INO80: variants seen among roughly 807,000 people sequenced by gnomAD.
The protein encoded by INO80 is INO80 complex ATPase subunit, also known as chromatin-remodeling ATPase INO80.
In INO80, 20 loss-of-function variants were observed where a neutral mutation model predicts 203.4. The ratio of observed to expected loss-of-function variants is 0.10; its 90% CI spans 0.07 to 0.14. The LOEUF is 0.14. INO80 is among the 10% of genes least tolerant of loss of function. The pLI, the probability that INO80 is intolerant of heterozygous loss-of-function variation, is 1.00. For missense variants in INO80, 1,419 were observed against 1,914.4 expected (o/e 0.74, Z 4.83); for synonymous variants, 726 against 685.2 (o/e 1.06, Z -0.93).
intron 16 of INO80, 66 bp downstream of exon 16, chr15:41,058,573 G>C (rs2045041453): frequency 2.5e-6 from 1 of 392,608 alleles, no homozygotes; most frequent in Admixed American, 4.0e-5. Context: ...GTGTGTGCGT[G>C]TGTGTGTGTG....
chr15:41,011,200 G>C (rs569937911), intron 27 of INO80, among the ~76,000 whole-genome samples: 14 of 152,190 alleles, frequency 9.2e-5, no homozygotes, highest in Admixed American at 7.2e-4. Context: ...CTCCCTGATG[G>C]TTGAAATTCT....
At chr15:41,057,904 A>T (rs2045023611) in intron 16 of INO80, among the ~76,000 whole-genome samples, 1 of 151,996 alleles carries the variant, frequency 6.6e-6, no homozygotes, top group South Asian at 2.1e-4. Context: ...TAAATTTCTA[A>T]CGACTCACCA....
Position 40,984,313 on chromosome 15 carries a change from C to T in INO80, c.3961G>A (p.Glu1321Lys). 1 of 1,614,184 alleles carries T rather than the reference C, an allele frequency of 6.2e-7. No individual in the cohort carries two copies. The highest frequency in any genetic ancestry group is 8.5e-7 in the Non-Finnish European group (1 of 1,180,008). The change falls in exon 33 of 36, where the codon GAG becomes AAG. Residue 1321 changes from glutamate to lysine, a missense_variant. Around this residue, in one of 9 missense-constraint regions of INO80, gnomAD observed 214 missense variants for 248.9 expected, o/e 0.86. Transcript: ENST00000648947. ...AATGGGATCACCAGGTTCACACCCT[C>T]TTTTCTCCTTTTCCCATCCAATTCA... The part of the protein sequence containing the change: ...EDELDGKRRK[E>K]GVNLVIPFVP...
At chr15:41,009,504 T>C (rs1203175567) in intron 27 of INO80, among the ~76,000 whole-genome samples, 2 of 151,660 alleles carry the variant, frequency 1.3e-5, no homozygotes, top group East Asian at 1.9e-4. Context: ...GTTCTTGCGA[T>C]AGTTTACTGA....
Position 40,984,605 on chromosome 15 carries a change from G to A in INO80, c.3922-253C>T, listed in dbSNP as rs1427003939. Among the ~76,000 whole-genome samples, 3 of 149,218 alleles carry A rather than the reference G, an allele frequency of 2.0e-5. No homozygotes were observed. The Admixed American group carries it at 2.0e-4, about 10-fold the overall frequency. ...AGGCTGAGGTGGGAGGATTACTTGAGCCCAGAAATTGGACCCCAGCTCAAA... is the reference window on the plus strand; with the variant it reads ...AGGCTGAGGTGGGAGGATTACTTGAACCCAGAAATTGGACCCCAGCTCAAA... On this transcript the variant is annotated intron_variant, in intron 32 of 35. Coordinates refer to ENST00000648947, the MANE Select transcript of INO80 (RefSeq NM_017553.3).
intron 1 of INO80, among the ~76,000 whole-genome samples, chr15:41,108,612 G>GAAAAAAAAAAAAAAA (rs1395625458): frequency 6.7e-6 from 1 of 148,636 alleles, no homozygotes; most frequent in African/African-American, 2.5e-5. Flanking sequence ...AAAAAAAAAG[G>GAAAAAAAAAAAAAAA]AAAAAAAGAA....
At chr15:41,011,341 A>G (rs1331010635) in intron 27 of INO80, among the ~76,000 whole-genome samples, 1 of 152,242 alleles carries the variant, frequency 6.6e-6, no homozygotes, top group Admixed American at 6.5e-5. Flanking sequence ...GTATCAGGGT[A>G]CACTGACAGG....
At chr15:40,980,516 C>T (rs1440965174) in intron 35 of INO80, 76 bp from the exon 36 acceptor site, 19 of 1,120,930 alleles carry the variant, frequency 1.7e-5, no homozygotes, top group Non-Finnish European at 2.5e-5. Context: ...GCCTTGGTTA[C>T]CAGAGTCTGA....
chr15:40,987,540 T>G (rs972194470), intron 30 of INO80, among the ~76,000 whole-genome samples: 1 of 152,186 alleles, frequency 6.6e-6, no homozygotes. Context: ...CTTCTTCCAC[T>G]GAATGCGAGA....
intron 1 of INO80, among the ~76,000 whole-genome samples, chr15:41,102,980 G>A (rs2045831519): frequency 6.6e-6 from 1 of 152,030 alleles, no homozygotes; most frequent in South Asian, 2.1e-4. Context: ...CTGACCCTCT[G>A]GCTCTCAACT....
intron 4 of INO80, among the ~76,000 whole-genome samples, chr15:41,092,906 G>A (rs2045665916): frequency 6.6e-6 from 1 of 152,058 alleles, no homozygotes; most frequent in Admixed American, 6.6e-5. Context: ...AAAAAGACAT[G>A]TGCCTATAGT....
intron 24 of INO80, among the ~76,000 whole-genome samples, chr15:41,037,667 G>A (rs754292334): frequency 1.4e-4 from 21 of 152,128 alleles, no homozygotes; most frequent in South Asian, 4.1e-4. Flanking sequence ...GTTGGGCTGG[G>A]TGTGGTGGCT....
rs1241747149 is a variant in INO80 at position 41,046,202 on chromosome 15, CATACATATATATATAT to C, written c.2736-1143_2736-1128del. Among the ~76,000 whole-genome samples, 874 of 109,468 alleles carry C rather than the reference CATACATATATATATAT, an allele frequency of 8.0e-3. 79 individuals carry two copies. Among genetic ancestry groups the C allele is most frequent in the African/African-American group, 0.026 (582 of 22,254 alleles). 71.8% of individuals were successfully genotyped at this position (109,468 alleles called of 152,430 possible). On this transcript the variant is annotated intron_variant, in intron 23 of 35. Coordinates refer to ENST00000648947, the MANE Select transcript of INO80 (RefSeq NM_017553.3). ...CTGTGTGTGTCTCTGTGTGCGTATA[CATACATATATATATAT>C]ATATATATATATATATATATATATA...
chr15:40,987,917 C>T lies in INO80; in HGVS notation c.3628G>A (p.Ala1210Thr), dbSNP rs761562980. 1.9e-6 allele frequency: 3 copies of T among 1,614,048 alleles called. No individual in the cohort carries two copies. The change falls in exon 30 of 36, where the codon GCC (alanine) becomes ACC (threonine). Residue 1210 changes from alanine (A) to threonine (T), a missense_variant. Physicochemically the swap from Ala to Thr is moderately conservative, Grantham distance 58. Transcript: ENST00000648947. Reference sequence around the variant, plus strand: ...TGCTTTGTCTGCCCTAAGCGGTGGGCCCTGTCCATGGCCTGCTGGTCCACA... The same window carrying T: ...TGCTTTGTCTGCCCTAAGCGGTGGGTCCTGTCCATGGCCTGCTGGTCCACA... ...PTVDQQAMDR[A>T]HRLGQTKQVT...
At chr15:41,015,969 A>C in intron 27 of INO80, 119 bp downstream of exon 27, 1 of 819,080 alleles carries the variant, frequency 1.2e-6, no homozygotes, top group Non-Finnish European at 1.9e-6. Context: ...AGGAAAAAGA[A>C]AAAAGACAAA....
chr15:41,071,433 T>C (rs1339196896), intron 12 of INO80, among the ~76,000 whole-genome samples: 1 of 150,082 alleles, frequency 6.7e-6, no homozygotes, highest in African/African-American at 2.5e-5. Context: ...TAAAACATGA[T>C]CTTGTACTCA....
chr15:41,074,627 G>A (rs1418772786), intron 9 of INO80, 62 bp from the exon 10 acceptor site: 1 of 1,109,456 alleles, frequency 9.0e-7, no homozygotes, highest in Non-Finnish European at 1.3e-6. Context: ...AAGTAGTCCA[G>A]AATTCACCAC....
intron 32 of INO80, 60 bp downstream of exon 32, chr15:40,985,278 C>A: frequency 8.0e-7 from 1 of 1,248,948 alleles, no homozygotes; most frequent in South Asian, 1.2e-5. Context: ...ACCCCAAAGC[C>A]TTTTTGGTAA....
intron 4 of INO80, among the ~76,000 whole-genome samples, chr15:41,094,601 A>G (rs2045693324): frequency 6.6e-6 from 1 of 152,224 alleles, no homozygotes; most frequent in Non-Finnish European, 1.5e-5. Context: ...CATCTGTTAA[A>G]TGAATAAACT....
Sources: gnomAD v4.1 joint callset for allele counts (sites outside exome capture counted in the v4.1 genomes callset) on GRCh38, gnomAD v4.1.1 for gene constraint, gnomAD v4.1.1 regional missense constraint, MANE v1.5 for transcripts, NCBI Gene and HGNC (gene_info 2026-07-23, HGNC 2026-07-21) for gene names.